The following DAB2IP variants were observed in gnomAD, a reference collection of about 807,000 sequenced individuals.
The protein encoded by DAB2IP is disabled homolog 2-interacting protein.
In DAB2IP, 28 loss-of-function variants were observed where a neutral mutation model predicts 107.2. The ratio of observed to expected loss-of-function variants is 0.26; its 90% CI spans 0.19 to 0.36. DAB2IP has a LOEUF of 0.36. DAB2IP is among the 10% of genes least tolerant of loss of function. The pLI is 1.00. For synonymous variants in DAB2IP, 755 were observed against 706.4 expected, an observed-to-expected ratio of 1.07 and a Z score of -1.09; for missense variants, 1,400 against 1,644.7, an observed-to-expected ratio of 0.85 and a Z score of 2.57.
chr9:121,658,954 CCTCTT>C (rs1376142516), intron 1 of DAB2IP, among the ~76,000 whole-genome samples: 3 of 152,156 alleles, frequency 2.0e-5, no homozygotes, highest in African/African-American at 7.2e-5. Flanking sequence ...CTTTTATTTC[CCTCTT>C]CTCTTCTCCC....
chr9:121,767,457 C>G (rs568966381), intron 9 of DAB2IP, among the ~76,000 whole-genome samples: 1 of 152,106 alleles, frequency 6.6e-6, no homozygotes, highest in Non-Finnish European at 1.5e-5. Flanking sequence ...GACAGGAAAG[C>G]CTCCAGGGTG....
chr9:121,649,860 C>G (rs1331731203), upstream of DAB2IP, among the ~76,000 whole-genome samples: 1 of 152,222 alleles, frequency 6.6e-6, no homozygotes, highest in African/African-American at 2.4e-5. Flanking sequence ...TGCACCATGT[C>G]TGCTGTTGAA....
At chr9:121,648,600 G>T (rs1275445090), upstream of DAB2IP, among the ~76,000 whole-genome samples, 1 of 152,162 alleles carries the variant, frequency 6.6e-6, no homozygotes, top group African/African-American at 2.4e-5. Flanking sequence ...TACTAAACTT[G>T]CATGTTTCCA....
In DAB2IP at chr9:121,760,503, C is replaced by G; in HGVS notation, c.1170+64C>G. 6.7e-7 allele frequency: 1 copy of G among 1,485,718 alleles called. No individual in the cohort carries two copies. The highest frequency in any genetic ancestry group is 8.9e-7 in the Non-Finnish European group (1 of 1,120,540). 92.0% of individuals were successfully genotyped at this position (1,485,718 alleles called of 1,614,324 possible). A position where few individuals can be genotyped will look rare whatever the true frequency, so the allele number is the denominator to read the frequency against. ...GGCAGCACTGGGTTACCTGCCCTTC[C>G]TCACATCCGTACATTTCAGGCCTAA... On this transcript the variant is annotated intron_variant, in intron 6 of 15. Transcript: ENST00000408936. This position sits in a 1 kb window ranked among gnomAD's most constrained non-coding sequence, Gnocchi z 5.9.
intron 1 of DAB2IP, among the ~76,000 whole-genome samples, chr9:121,567,746 G>A (rs933513251): frequency 6.6e-6 from 1 of 152,188 alleles, no homozygotes; most frequent in Admixed American, 6.5e-5. Flanking sequence ...AGCTCTGCAT[G>A]CATTATTGGG....
chr9:121,752,356 C>T (rs1833181567), intron 3 of DAB2IP, among the ~76,000 whole-genome samples: 1 of 151,604 alleles, frequency 6.6e-6, no homozygotes, highest in Non-Finnish European at 1.5e-5. Flanking sequence ...GCTTAGCTGA[C>T]CTTGGCTGCT....
chr9:121,683,645 G>A (rs1379937450), intron 2 of DAB2IP, among the ~76,000 whole-genome samples: 1 of 152,228 alleles, frequency 6.6e-6, no homozygotes, highest in Non-Finnish European at 1.5e-5. Context: ...GTTGATTATG[G>A]ATGCTTCTAG....
chr9:121,606,648 T>C (rs1012799426), intron 1 of DAB2IP, among the ~76,000 whole-genome samples: 1 of 151,720 alleles, frequency 6.6e-6, no homozygotes, highest in South Asian at 2.1e-4. Context: ...AGAGTGAGGA[T>C]TTTTTTTTCT....
Position 121,743,523 on chromosome 9 carries a change from A to ACT in DAB2IP, c.363-13490_363-13489insCT, listed in dbSNP as rs560914451. 2.4e-4 allele frequency among the ~76,000 whole-genome samples: 36 copies of ACT among 152,282 alleles called. No individual in the cohort carries two copies. In the East Asian group the frequency reaches 6.8e-3, roughly 29 times the overall value. ...CCCAAGTAGGACACTGGCCCTTTAA[A>ACT]AGCACATTACAGAGAGTTGGAACAT... On this transcript the variant is annotated intron_variant, in intron 3 of 15. Transcript: ENST00000408936.
chr9:121,710,330 G>A (rs541052486), intron 3 of DAB2IP, among the ~76,000 whole-genome samples: 2 of 152,220 alleles, frequency 1.3e-5, no homozygotes, highest in Admixed American at 6.5e-5. Context: ...GGCACCCGGG[G>A]CTCTGCTGGG....
At chr9:121,627,683 A>G (rs1185998728) in intron 1 of DAB2IP, among the ~76,000 whole-genome samples, 1 of 152,158 alleles carries the variant, frequency 6.6e-6, no homozygotes, top group Admixed American at 6.5e-5. Context: ...CTGGCAGCAG[A>G]GTCTAGCCAA....
chr9:121,606,460 T>G (rs752840463), intron 1 of DAB2IP, among the ~76,000 whole-genome samples: 60 of 152,068 alleles, frequency 3.9e-4, no homozygotes, highest in Non-Finnish European at 7.1e-4. Context: ...CCCCTCCCAG[T>G]CCCCCTGTGA....
intron 2 of DAB2IP, among the ~76,000 whole-genome samples, chr9:121,679,335 A>G (rs1828449674): frequency 6.6e-6 from 1 of 151,436 alleles, no homozygotes; most frequent in Non-Finnish European, 1.5e-5. Flanking sequence ...AAAAATTACA[A>G]ACCTAAACAA....
chr9:121,682,797 C>G (rs1828664511), intron 2 of DAB2IP, among the ~76,000 whole-genome samples: 1 of 152,182 alleles, frequency 6.6e-6, no homozygotes, highest in South Asian at 2.1e-4. Flanking sequence ...CAGCCTCATA[C>G]CAGCTTTGTG....
chr9:121,678,633 C>A, intron 1 of DAB2IP, 45 bp from the exon 2 acceptor site: 1 of 1,434,992 alleles, frequency 7.0e-7, no homozygotes, highest in Non-Finnish European at 9.3e-7. Flanking sequence ...AGCTGTGTGG[C>A]CTTGGCTGTT....
At chr9:121,567,801 G>C (rs1461467377) in intron 1 of DAB2IP, among the ~76,000 whole-genome samples, 2 of 152,176 alleles carry the variant, frequency 1.3e-5, no homozygotes, top group Non-Finnish European at 2.9e-5. Context: ...CTGGAAGAGG[G>C]ATTTATAAGA....
At chr9:121,753,253 T>G (rs940939054) in intron 3 of DAB2IP, among the ~76,000 whole-genome samples, 3 of 152,038 alleles carry the variant, frequency 2.0e-5, no homozygotes, top group Non-Finnish European at 2.9e-5. Flanking sequence ...GTGGAAGTGA[T>G]TTGCAGGGGT....
At position 121,702,288 on chromosome 9, in the gene DAB2IP, G is replaced by A. The variant is rs1379705047; in HGVS notation, c.362+2830G>A. 6.6e-6 allele frequency among the ~76,000 whole-genome samples: 1 copy of A among 152,176 alleles called. No individual in the cohort carries two copies. Among genetic ancestry groups the A allele is most frequent in the Admixed American group, 6.5e-5 (1 of 15,284 alleles). ...ATTTTTTTGGCTCCCTGGAAAAGGA[G>A]TCGGTTTCAGGGGTGGGGATGCCGA... On this transcript the variant is annotated intron_variant, in intron 3 of 15. Coordinates refer to ENST00000408936, the Ensembl canonical transcript of DAB2IP. This position sits in a 1 kb window ranked among gnomAD's most constrained non-coding sequence, Gnocchi z 4.5.
intron 3 of DAB2IP, among the ~76,000 whole-genome samples, chr9:121,708,538 T>C (rs1830171357): frequency 6.6e-6 from 1 of 152,116 alleles, no homozygotes; most frequent in Middle Eastern, 3.2e-3. Flanking sequence ...TTTGCAGCTG[T>C]GGTGGGTGAC....
Sources: gnomAD v4.1 joint callset for allele counts (sites outside exome capture counted in the v4.1 genomes callset) on GRCh38, gnomAD v4.1.1 for gene constraint, Gnocchi (gnomAD v3.1) non-coding constraint, MANE v1.5 for transcripts, NCBI Gene and HGNC (gene_info 2026-07-23, HGNC 2026-07-21) for gene names.